Variants in DIAPH2 observed in about 807,000 individuals in gnomAD.
DIAPH2 encodes diaphanous related formin 2.
In DIAPH2, 35 loss-of-function variants were observed where a neutral mutation model predicts 92.7. That is an observed-to-expected ratio of 0.38 (90% CI 0.29 to 0.50). DIAPH2 has a LOEUF of 0.50. DIAPH2 is among the 20% of genes least tolerant of loss of function. The pLI, the probability that DIAPH2 is intolerant of heterozygous loss-of-function variation, is 0.94. For missense variants in DIAPH2, 701 were observed against 819.5 expected (o/e 0.86, Z 1.77); for synonymous variants, 301 against 280.4 (o/e 1.07, Z -0.73).
intron 20 of DIAPH2, among the ~76,000 whole-genome samples, chrX:97,100,841 C>T (rs964032192): frequency 4.3e-4 from 48 of 111,561 alleles, no homozygotes; most frequent in African/African-American, 1.5e-3. Flanking sequence ...TGAGCATGTT[C>T]CTTTTGAACA....
intron 23 of DIAPH2, among the ~76,000 whole-genome samples, chrX:97,317,322 T>A (rs1368947300): frequency 4.5e-5 from 5 of 112,081 alleles, no homozygotes; most frequent in African/African-American, 1.6e-4. Flanking sequence ...AGGATGTTTT[T>A]AAATAAGCAT....
intron 26 of DIAPH2, chrX:97,555,553 C>A: frequency 2.7e-6 from 1 of 375,038 alleles, no homozygotes; most frequent in Non-Finnish European, 3.4e-6. Context: ...TGGGAGAAAA[C>A]TTGAAGAAAG....
chrX:97,586,956 A>G (rs1173890493), intron 26 of DIAPH2, among the ~76,000 whole-genome samples: 8 of 112,419 alleles, frequency 7.1e-5, no homozygotes, highest in Non-Finnish European at 1.1e-4. Context: ...GAACTATATA[A>G]CAGAGTAAAG....
chrX:97,312,830 G>A (rs894421936), intron 23 of DIAPH2, among the ~76,000 whole-genome samples: 1 of 111,041 alleles, frequency 9.0e-6, no homozygotes, highest in Non-Finnish European at 1.9e-5. Flanking sequence ...AGAGCCCATG[G>A]CTATTAATTG....
At chrX:97,027,405 C>T (rs2066342870) in intron 17 of DIAPH2, among the ~76,000 whole-genome samples, 1 of 111,946 alleles carries the variant, frequency 8.9e-6, no homozygotes, top group Admixed American at 9.5e-5. Flanking sequence ...ACTGTAAGCA[C>T]CAACAGCCAA....
At chrX:96,906,052 C>T (rs1311324472) in intron 5 of DIAPH2, among the ~76,000 whole-genome samples, 1 of 112,441 alleles carries the variant, frequency 8.9e-6, no homozygotes, top group East Asian at 2.8e-4. Context: ...TGGGGTGAAC[C>T]CGGGAGGCGG....
At chrX:97,037,497 C>T (rs1224624633) in intron 17 of DIAPH2, among the ~76,000 whole-genome samples, 2 of 111,289 alleles carry the variant, frequency 1.8e-5, no homozygotes, top group Non-Finnish European at 3.8e-5. Flanking sequence ...TCATTTTATA[C>T]CATTTAGGAA....
chrX:97,534,830 G>C (rs1432383745), intron 26 of DIAPH2, among the ~76,000 whole-genome samples: 5 of 111,773 alleles, frequency 4.5e-5, no homozygotes, highest in African/African-American at 1.6e-4. Flanking sequence ...AGGTGATCAA[G>C]ATCAACATCA....
At chrX:97,171,985 T>C (rs1471787132) in intron 22 of DIAPH2, among the ~76,000 whole-genome samples, 1 of 110,204 alleles carries the variant, frequency 9.1e-6, no homozygotes, top group Non-Finnish European at 1.9e-5. Flanking sequence ...GAATTGTAGG[T>C]CATGTAACGA....
At chrX:96,943,038 A>C (rs1423080437) in intron 13 of DIAPH2, among the ~76,000 whole-genome samples, 1 of 110,178 alleles carries the variant, frequency 9.1e-6, no homozygotes, top group East Asian at 2.8e-4. Flanking sequence ...GACTTACATA[A>C]GTGACAAACC....
At chrX:97,583,178 G>A (rs1298830740) in intron 26 of DIAPH2, among the ~76,000 whole-genome samples, 6 of 111,855 alleles carry the variant, frequency 5.4e-5, no homozygotes, top group African/African-American at 1.3e-4. Flanking sequence ...TCAGCTCGTC[G>A]AAGTCATTCT....
At chrX:96,833,457 G>C (rs759008806) in intron 4 of DIAPH2, among the ~76,000 whole-genome samples, 1 of 110,647 alleles carries the variant, frequency 9.0e-6, no homozygotes, top group Admixed American at 9.7e-5. Flanking sequence ...TCAGCCTTCT[G>C]TTAAAATGAG....
chrX:97,238,489 C>T (rs2068066692), intron 22 of DIAPH2, among the ~76,000 whole-genome samples: 1 of 110,913 alleles, frequency 9.0e-6, no homozygotes, highest in Admixed American at 9.6e-5. Context: ...TACTTAAGAA[C>T]ACATATTTAG....
At chrX:97,247,651 C>T (rs1409192) in intron 22 of DIAPH2, 64 bp from the exon 23 acceptor site, 400,234 of 1,054,395 alleles carry the variant, frequency 0.38, 54,604 homozygotes, top group East Asian at 0.67. Context: ...GATAATGTCT[C>T]CTTTTAGATG....
chrX:97,115,253 T>A (rs2067008144), intron 21 of DIAPH2, among the ~76,000 whole-genome samples: 1 of 111,928 alleles, frequency 8.9e-6, no homozygotes, highest in African/African-American at 3.2e-5. Flanking sequence ...GATGCAGTAT[T>A]GGCCAGGCGC....
chrX:96,691,295 A>G (rs958165543), intron 1 of DIAPH2, among the ~76,000 whole-genome samples: 4 of 111,468 alleles, frequency 3.6e-5, no homozygotes, highest in Middle Eastern at 4.6e-3. Context: ...TCCCCTCAAG[A>G]CAGGAGAAAC....
intron 4 of DIAPH2, among the ~76,000 whole-genome samples, chrX:96,801,193 A>G (rs1482591757): frequency 8.9e-6 from 1 of 112,411 alleles, no homozygotes; most frequent in Non-Finnish European, 1.9e-5. Context: ...TGCATATTGA[A>G]CAAGACACTC....
chrX:97,309,113 T>A (rs748615398), intron 23 of DIAPH2, among the ~76,000 whole-genome samples: 182 of 110,419 alleles, frequency 1.6e-3, no homozygotes, highest in Non-Finnish European at 2.4e-3. Context: ...TATTTATTTT[T>A]TTTTTGAGAC....
chrX:97,245,903 C>CTT (rs748187119), intron 22 of DIAPH2, among the ~76,000 whole-genome samples: 136 of 98,015 alleles, frequency 1.4e-3, no homozygotes, highest in Middle Eastern at 5.0e-3. Context: ...TTTGTCTTCA[C>CTT]TTTTTTTTTT....
Sources: gnomAD v4.1 joint callset for allele counts (sites outside exome capture counted in the v4.1 genomes callset) on GRCh38, gnomAD v4.1.1 for gene constraint, MANE v1.5 for transcripts, NCBI Gene and HGNC (gene_info 2026-07-23, HGNC 2026-07-21) for gene names.